MYO1E: variants seen among roughly 807,000 people sequenced by gnomAD.
MYO1E encodes unconventional myosin-Ie.
MYO1E carries 68 observed loss-of-function variants against 151.1 expected under a neutral mutation model. The ratio of observed to expected loss-of-function variants is 0.45; its 90% CI spans 0.37 to 0.55. The LOEUF (loss-of-function observed/expected upper bound fraction) is 0.55, where lower values mean the gene tolerates loss of function less well. Among genes scored for constraint, MYO1E ranks in the 20% least tolerant of loss-of-function variants. MYO1E has a pLI of 0.00. For synonymous variants in MYO1E, 601 were observed against 501.7 expected (o/e 1.20, Z -2.64); for missense variants, 1,363 against 1,389.3 (o/e 0.98, Z 0.30).
At chr15:59,155,073 G>A (rs2140307577) in intron 25 of MYO1E, among the ~76,000 whole-genome samples, 1 of 152,238 alleles carries the variant, frequency 6.6e-6, no homozygotes, top group South Asian at 2.1e-4. Context: ...AGGGTAGAAG[G>A]ACCCTGCTTG....
At chr15:59,172,694 CAG>C (rs1385720490) in intron 21 of MYO1E, among the ~76,000 whole-genome samples, 3 of 152,210 alleles carry the variant, frequency 2.0e-5, no homozygotes, top group African/African-American at 7.2e-5. Flanking sequence ...TGTTTCTAAA[CAG>C]GGGGCAGTGT....
chr15:59,245,557 T>TA (rs778648970), intron 4 of MYO1E, among the ~76,000 whole-genome samples: 1 of 152,184 alleles, frequency 6.6e-6, no homozygotes. Flanking sequence ...TGCAAACTGG[T>TA]ATTGGATATA....
chr15:59,283,201 C>T (rs1259907685), intron 1 of MYO1E, among the ~76,000 whole-genome samples: 2 of 151,822 alleles, frequency 1.3e-5, no homozygotes, highest in Non-Finnish European at 2.9e-5. Flanking sequence ...CTGACCTGTC[C>T]TTGTCCATCT....
chr15:59,330,326 T>C (rs1217810109), intron 1 of MYO1E, among the ~76,000 whole-genome samples: 1 of 152,180 alleles, frequency 6.6e-6, no homozygotes, highest in African/African-American at 2.4e-5. Flanking sequence ...AACTTCCCTC[T>C]CCTCATCCTT....
At chr15:59,231,850 G>T in intron 5 of MYO1E, 59 bp from the exon 6 acceptor site, 1 of 1,574,232 alleles carries the variant, frequency 6.4e-7, no homozygotes, top group Non-Finnish European at 8.7e-7. Context: ...CACAGTGTAC[G>T]CCAAACTTTC....
At chr15:59,207,622 G>T in intron 14 of MYO1E, 1 of 1,614,112 alleles carries the variant, frequency 6.2e-7, no homozygotes, top group Non-Finnish European at 8.5e-7. Flanking sequence ...ACAAAAGCTT[G>T]GTATCCATTC....
At chr15:59,366,600 G>C (rs2080915135) in intron 1 of MYO1E, among the ~76,000 whole-genome samples, 1 of 152,114 alleles carries the variant, frequency 6.6e-6, no homozygotes, top group South Asian at 2.1e-4. Flanking sequence ...AGAAGGGCGG[G>C]CCAACTTCAT....
At chr15:59,369,057 G>T (rs548560943) in intron 1 of MYO1E, among the ~76,000 whole-genome samples, 2 of 152,108 alleles carry the variant, frequency 1.3e-5, no homozygotes, top group African/African-American at 4.8e-5. Context: ...GTGTTGTTTT[G>T]ACTAGGAGAC....
At chr15:59,201,441 G>GT (rs1270985201) in intron 16 of MYO1E, among the ~76,000 whole-genome samples, 1 of 113,100 alleles carries the variant, frequency 8.8e-6, no homozygotes, top group Non-Finnish European at 1.7e-5. Flanking sequence ...TTTTACTCTT[G>GT]TTGCCGAGGC....
intron 1 of MYO1E, among the ~76,000 whole-genome samples, chr15:59,343,020 T>C (rs1282323243): frequency 6.6e-6 from 1 of 152,208 alleles, no homozygotes; most frequent in Non-Finnish European, 1.5e-5. Flanking sequence ...CATCTTTCTA[T>C]TTGAGATATG....
chr15:59,370,611 C>G (rs2080939084), intron 1 of MYO1E, among the ~76,000 whole-genome samples: 1 of 152,224 alleles, frequency 6.6e-6, no homozygotes, highest in African/African-American at 2.4e-5. Flanking sequence ...ATAGAACCAC[C>G]TCTTCCCTAC....
intron 1 of MYO1E, among the ~76,000 whole-genome samples, chr15:59,292,876 G>A (rs1046323123): frequency 1.4e-4 from 21 of 152,198 alleles, no homozygotes; most frequent in African/African-American, 4.8e-4. Context: ...AGCTTGAGAG[G>A]TGACCTTGTT....
chr15:59,360,018 T>C (rs369143511), intron 1 of MYO1E: 8 of 152,332 alleles, frequency 5.3e-5, no homozygotes, highest in African/African-American at 1.9e-4. Flanking sequence ...CTATCTAGGA[T>C]TTGCTTCTAA....
Position 59,178,395 on chromosome 15 carries a change from A to T in MYO1E, c.2047T>A (p.Ser683Thr). 1 of 1,614,154 alleles carries T rather than the reference A, an allele frequency of 6.2e-7. No individual in the cohort carries two copies. Residue 683 changes from serine to threonine, a missense_variant and splice_region_variant, in exon 19 of 28, where the codon TCT becomes ACT. Physicochemically the swap from Ser to Thr is moderately conservative, Grantham distance 58 (BLOSUM62 1). Transcript: ENST00000288235. The part of the protein sequence containing the change: ...RSKVFIKAPE[S>T]LFLLEEMRER... ...TGGAGAGCCAGCCAAGCACTCACAG[A>T]CTCGGGGGCTTTGATGAACACTTTA...
In MYO1E at chr15:59,159,762, T is replaced by C. The variant is rs996255354; in HGVS notation, c.2785+1311A>G. On this transcript the variant is annotated intron_variant, in intron 24 of 27. Transcript: ENST00000288235. This position sits in a 1 kb window ranked among gnomAD's most constrained non-coding sequence, Gnocchi z 4.4. Reference sequence around the variant, plus strand: ...GAGTGGCTCTACATATATAAAGATATGATGGCATTTGCTGGTATTGTATTA... The same window carrying C: ...GAGTGGCTCTACATATATAAAGATACGATGGCATTTGCTGGTATTGTATTA... 1.3e-5 allele frequency among the ~76,000 whole-genome samples: 2 copies of C among 152,202 alleles called. No individual in the cohort carries two copies. The highest frequency in any genetic ancestry group is 1.5e-5 in the Non-Finnish European group (1 of 68,048).
At chr15:59,272,234 C>T in intron 2 of MYO1E, 72 bp downstream of exon 2, 1 of 1,575,376 alleles carries the variant, frequency 6.3e-7, no homozygotes, top group East Asian at 2.2e-5. Flanking sequence ...CTGCACCCAG[C>T]ATAAAGCCAC....
rs781396232 is a variant in MYO1E, at chr15:59,214,254, T to C, written c.1249A>G (p.Ile417Val). ...FVNEKLQQIF[I>V]ELTLKAEQEE... Reference sequence around the variant, plus strand: ...TGTTCTGCCTTTAATGTCAGTTCAATAAAAATCTGCTGCAGTTTTTCATTA... The same window carrying C: ...TGTTCTGCCTTTAATGTCAGTTCAACAAAAATCTGCTGCAGTTTTTCATTA... Residue 417 changes from isoleucine to valine, a missense_variant, in exon 12 of 28, where the codon ATT becomes GTT. Ile to Val is a conservative substitution (Grantham distance 29, BLOSUM62 3). Coordinates refer to ENST00000288235, the MANE Select transcript of MYO1E (RefSeq NM_004998.4). The C allele has an allele frequency of 1.2e-6, 2 of 1,613,342 alleles. No homozygotes were observed. The highest frequency in any genetic ancestry group is 2.2e-5 in the South Asian group (2 of 90,942).
chr15:59,265,716 G>A (rs1219285560), intron 2 of MYO1E, among the ~76,000 whole-genome samples: 3 of 151,278 alleles, frequency 2.0e-5, no homozygotes, highest in Admixed American at 2.0e-4. Flanking sequence ...CAACACTGTG[G>A]GAGGACAAGT....
At chr15:59,184,040 G>A (rs574632259) in intron 18 of MYO1E, among the ~76,000 whole-genome samples, 34 of 152,200 alleles carry the variant, frequency 2.2e-4, no homozygotes, top group African/African-American at 7.2e-4. Context: ...ACGGAATCTC[G>A]TTCTGTCACC....
Sources: gnomAD v4.1 joint callset for allele counts (sites outside exome capture counted in the v4.1 genomes callset) on GRCh38, gnomAD v4.1.1 for gene constraint, Gnocchi (gnomAD v3.1) non-coding constraint, MANE v1.5 for transcripts, NCBI Gene and HGNC (gene_info 2026-07-23, HGNC 2026-07-21) for gene names.